The following SPTLC1 variants were observed in gnomAD, a reference collection of about 807,000 sequenced individuals.
The protein encoded by SPTLC1 is serine palmitoyltransferase long chain base subunit 1.
Under a neutral mutation model 68.9 loss-of-function variants are expected in SPTLC1, and 55 were observed. That is an observed-to-expected ratio of 0.80 (90% CI 0.64 to 1.00). The LOEUF (loss-of-function observed/expected upper bound fraction) is 1.00, where lower values mean the gene tolerates loss of function less well. Among genes scored for constraint, SPTLC1 ranks in the 50% least tolerant of loss-of-function variants. The pLI is 0.00. For missense variants in SPTLC1, 449 were observed against 573.1 expected, an observed-to-expected ratio of 0.78 and a Z score of 2.21; for synonymous variants, 197 against 201.6, an observed-to-expected ratio of 0.98 and a Z score of 0.19.
rs372055636 is a variant in SPTLC1, at chr9:92,058,617, G to GA, written c.690+561dup. On this transcript the variant is annotated intron_variant, in intron 7 of 14. Coordinates refer to ENST00000262554, the MANE Select transcript of SPTLC1 (RefSeq NM_006415.4). ...CTGGGTTATGTTAGGTTCTCGAGAG[G>GA]AAACAGCTGAAAACAGGGCTGCAAG... Among the ~76,000 whole-genome samples the GA allele has an allele frequency of 2.6e-3, 390 of 152,282 alleles. 2 individuals are homozygous for GA. The highest frequency in any genetic ancestry group is 8.9e-3 in the African/African-American group (369 of 41,540).
intron 5 of SPTLC1, among the ~76,000 whole-genome samples, chr9:92,074,953 A>T (rs1464860345): frequency 1.3e-5 from 2 of 151,972 alleles, no homozygotes; most frequent in East Asian, 3.9e-4. Context: ...ACCAGTCCCA[A>T]CAACTCACCT....
chr9:92,067,843 A>G lies in SPTLC1; in HGVS notation c.560+123T>C. The stretch of plus-strand genomic sequence containing the variant: ...TTTTGAAACCTTTGGTGAGGTGACT[A>G]TTTCTTGAAAAACAAAAAGCAGCAT... On this transcript the variant is annotated intron_variant, in intron 6 of 14. Coordinates refer to ENST00000262554, the MANE Select transcript of SPTLC1 (RefSeq NM_006415.4). 3.3e-6 allele frequency: 4 copies of G among 1,209,574 alleles called. No individual in the cohort carries two copies. In the Admixed American group the frequency reaches 6.0e-5, roughly 18 times the overall value. The allele number at this position is 1,209,574 out of a possible 1,614,324, so 74.9% of individuals were successfully genotyped here. A position where few individuals can be genotyped will look rare whatever the true frequency, so the allele number is the denominator to read the frequency against.
intron 7 of SPTLC1, among the ~76,000 whole-genome samples, chr9:92,057,407 CA>C (rs1833932975): frequency 6.6e-6 from 1 of 152,208 alleles, no homozygotes; most frequent in African/African-American, 2.4e-5. Context: ...TGTATCTGCC[CA>C]TTTGCCTTCC....
intron 6 of SPTLC1, among the ~76,000 whole-genome samples, chr9:92,063,503 T>C (rs1054332358): frequency 6.6e-6 from 1 of 152,146 alleles, no homozygotes; most frequent in African/African-American, 2.4e-5. Context: ...CGCTTCCCAA[T>C]TGATTCTGTG....
intron 5 of SPTLC1, among the ~76,000 whole-genome samples, chr9:92,070,974 C>T (rs943597077): frequency 6.6e-6 from 1 of 152,022 alleles, no homozygotes; most frequent in Admixed American, 6.6e-5. Context: ...GAGATTACGG[C>T]CTTCCTGGTT....
chr9:92,114,747 AC>A (rs1237202866), intron 1 of SPTLC1, among the ~76,000 whole-genome samples: 61 of 145,700 alleles, frequency 4.2e-4, no homozygotes, highest in Non-Finnish European at 7.7e-4. Flanking sequence ...AAAAAAAAAA[AC>A]AAAAATAAAT....
At chr9:92,055,575 C>T (rs1021355166) in intron 7 of SPTLC1, 81 bp from the exon 8 acceptor site, 2 of 1,358,768 alleles carry the variant, frequency 1.5e-6, no homozygotes, top group African/African-American at 1.4e-5. Context: ...AGCACTTTCA[C>T]CTTACAAGAT....
At chr9:92,088,195 T>C (rs955019136) in intron 3 of SPTLC1, among the ~76,000 whole-genome samples, 1 of 152,246 alleles carries the variant, frequency 6.6e-6, no homozygotes, top group Non-Finnish European at 1.5e-5. Flanking sequence ...CCCCTTGCGC[T>C]TCCCAAGTAA....
intron 13 of SPTLC1, 105 bp downstream of exon 13, chr9:92,038,143 T>C (rs750473297): frequency 1.2e-5 from 10 of 826,972 alleles, no homozygotes; most frequent in Non-Finnish European, 2.1e-5. Flanking sequence ...TACCCTCTTC[T>C]CTCTCAGGGC....
intron 3 of SPTLC1, among the ~76,000 whole-genome samples, chr9:92,105,964 C>T (rs1220995696): frequency 1.3e-4 from 20 of 149,906 alleles, no homozygotes; most frequent in Admixed American, 6.6e-4. Context: ...GCCTGGCCGC[C>T]GTCCCATCTG....
chr9:92,039,745 C>A (rs978004206), intron 12 of SPTLC1, among the ~76,000 whole-genome samples: 1 of 152,194 alleles, frequency 6.6e-6, no homozygotes, highest in Non-Finnish European at 1.5e-5. Flanking sequence ...CAAGCCTTTA[C>A]AGAATGACTA....
At chr9:92,068,320 CA>C (rs1834364632) in intron 5 of SPTLC1, among the ~76,000 whole-genome samples, 1 of 152,202 alleles carries the variant, frequency 6.6e-6, no homozygotes, top group Non-Finnish European at 1.5e-5. Context: ...CATCTATCTG[CA>C]AAATGTGTTA....
chr9:92,110,454 C>T (rs1340376955), intron 2 of SPTLC1: 1 of 152,140 alleles, frequency 6.6e-6, no homozygotes, highest in East Asian at 1.9e-4. Flanking sequence ...TACTAATTAC[C>T]ATTCTAATCC....
chr9:92,067,319 CAG>C (rs760967277), intron 6 of SPTLC1, among the ~76,000 whole-genome samples: 2,269 of 141,514 alleles, frequency 0.016, 35 homozygotes, highest in South Asian at 0.023. Flanking sequence ...AAAAAAAAAA[CAG>C]AGAAGAGGAA....
At chr9:92,074,594 C>G (rs1020562752) in intron 5 of SPTLC1, among the ~76,000 whole-genome samples, 3 of 152,054 alleles carry the variant, frequency 2.0e-5, no homozygotes, top group Admixed American at 2.0e-4. Flanking sequence ...TTATCCTGCT[C>G]AATGCCAATA....
chr9:92,048,606 T>G (rs1466716653), intron 9 of SPTLC1, among the ~76,000 whole-genome samples: 1 of 152,158 alleles, frequency 6.6e-6, no homozygotes, highest in African/African-American at 2.4e-5. Flanking sequence ...CCTACCACCC[T>G]CATCATTTCT....
chr9:92,072,123 T>C (rs1337745241), intron 5 of SPTLC1, among the ~76,000 whole-genome samples: 1 of 152,170 alleles, frequency 6.6e-6, no homozygotes, highest in Non-Finnish European at 1.5e-5. Flanking sequence ...ATTGGACGCA[T>C]GCATAACATT....
At chr9:92,105,197 C>A in intron 3 of SPTLC1, 1 of 1,534,130 alleles carries the variant, frequency 6.5e-7, no homozygotes, top group Non-Finnish European at 8.7e-7. Flanking sequence ...GCCACCGCTG[C>A]AGCTGCAACC....
chr9:92,105,220 G>A (rs1400920796), intron 3 of SPTLC1: 5 of 1,534,124 alleles, frequency 3.3e-6, no homozygotes, highest in Non-Finnish European at 3.5e-6. Flanking sequence ...CCCCTCCCCT[G>A]CAACTGAGGT....
Sources: gnomAD v4.1 joint callset for allele counts (sites outside exome capture counted in the v4.1 genomes callset) on GRCh38, gnomAD v4.1.1 for gene constraint, MANE v1.5 for transcripts, NCBI Gene and HGNC (gene_info 2026-07-23, HGNC 2026-07-21) for gene names.